DBF4: variants seen among roughly 807,000 people sequenced by gnomAD.
The protein encoded by DBF4 is DBF4-CDC7 kinase regulatory subunit, also known as protein DBF4 homolog A.
A neutral mutation model predicts 76.6 loss-of-function variants in DBF4; 25 were observed. That is an observed-to-expected ratio of 0.33 (90% CI 0.24 to 0.46). The LOEUF is 0.46. Among genes scored for constraint, DBF4 ranks in the 20% least tolerant of loss-of-function variants. The probability of loss-of-function intolerance (pLI) is 1.00; values close to 1 mark genes in which losing one functional copy is unlikely to be tolerated. For missense variants in DBF4, 638 were observed against 760.8 expected (o/e 0.84, Z 1.90); for synonymous variants, 213 against 258.0 (o/e 0.83, Z 1.67).
intron 10 of DBF4, among the ~76,000 whole-genome samples, chr7:87,903,280 G>A (rs544794263): frequency 1.3e-5 from 2 of 152,088 alleles, no homozygotes; most frequent in African/African-American, 4.8e-5. Flanking sequence ...GGATTTCACC[G>A]TGTTGGCCAG....
intron 6 of DBF4, among the ~76,000 whole-genome samples, chr7:87,889,826 G>C (rs999943168): frequency 5.3e-5 from 8 of 152,172 alleles, no homozygotes; most frequent in African/African-American, 1.9e-4. Context: ...TATAAAAGTA[G>C]AGATCTGAGA....
chr7:87,877,331 C>T (rs1305587327), intron 1 of DBF4, among the ~76,000 whole-genome samples: 1 of 152,186 alleles, frequency 6.6e-6, no homozygotes, highest in Non-Finnish European at 1.5e-5. Flanking sequence ...AGCAAATTTC[C>T]ATTTTCAGTC....
chr7:87,897,253 C>A (rs200205145), intron 7 of DBF4, 41 bp from the exon 8 acceptor site: 5 of 1,535,310 alleles, frequency 3.3e-6, no homozygotes, highest in Non-Finnish European at 4.4e-6. Context: ...AAAAAGAATC[C>A]TGAATTTGCA....
chr7:87,887,012 G>A, intron 4 of DBF4, 118 bp downstream of exon 4: 1 of 697,782 alleles, frequency 1.4e-6, no homozygotes, highest in South Asian at 2.0e-5. Context: ...CTGAATCTCA[G>A]CATATATTTT....
chr7:87,878,322 T>TA lies in DBF4; in HGVS notation c.219+98dup, dbSNP rs1405166859. The TA allele has an allele frequency of 1.3e-5, 12 of 931,368 alleles. No individual in the cohort carries two copies. The East Asian group carries it at 3.1e-4, about 24-fold the overall frequency. The allele number at this position is 931,368 out of a possible 1,614,324, so 57.7% of individuals were successfully genotyped here. A position where few individuals can be genotyped will look rare whatever the true frequency, so the allele number is the denominator to read the frequency against. On this transcript the variant is annotated intron_variant, in intron 2 of 11. Coordinates refer to ENST00000265728, the MANE Select transcript of DBF4 (RefSeq NM_006716.4). ...AATTTTTCATTTTGGAAAACGCTTC[T>TA]ATTAGCACCAAGCTTAACATTTTTA...
Position 87,907,399 on chromosome 7 carries a change from A to T in DBF4, c.1261A>T (p.Asn421Tyr). 1 of 1,614,050 alleles carries T rather than the reference A, an allele frequency of 6.2e-7. No individual in the cohort carries two copies. Among genetic ancestry groups the T allele is most frequent in the Non-Finnish European group, 8.5e-7 (1 of 1,179,946 alleles). The change falls in exon 12 of 12, where the codon AAT (asparagine) becomes TAT (tyrosine). Residue 421 changes from asparagine to tyrosine, a missense_variant. Transcript: ENST00000265728. ...FISEPIPHPS[N>Y]ELRGLNEKMS... Reference sequence around the variant, plus strand: ...TTCAGAGCCCATCCCCCACCCTTCAAATGAATTGAGAGGGCTTAATGAGAA... The same window carrying T: ...TTCAGAGCCCATCCCCCACCCTTCATATGAATTGAGAGGGCTTAATGAGAA...
intron 7 of DBF4, 114 bp from the exon 8 acceptor site, chr7:87,897,180 A>C (rs903569583): frequency 6.3e-6 from 6 of 946,876 alleles, no homozygotes; most frequent in Non-Finnish European, 7.9e-6. Flanking sequence ...TAAAACTTTA[A>C]AGTGGATACA....
In DBF4 at chr7:87,908,063, G is replaced by C. The variant is rs755686476; in HGVS notation, c.1925G>C (p.Gly642Ala). 6.2e-7 allele frequency: 1 copy of C among 1,613,560 alleles called. No homozygotes were observed. Among genetic ancestry groups the C allele is most frequent in the Non-Finnish European group, 8.5e-7 (1 of 1,179,746 alleles). The part of the protein sequence containing the change: ...LGFTSYTEKS[G>A]ICNVLDIWEE... ...TTCACAAGCTACACAGAAAAGAGTGGTATATGCAATGTTTTAGATATTTGG... is the reference window on the plus strand; with the variant it reads ...TTCACAAGCTACACAGAAAAGAGTGCTATATGCAATGTTTTAGATATTTGG... Residue 642 changes from glycine (G) to alanine (A), a missense_variant, in exon 12 of 12, where the codon GGT becomes GCT. Physicochemically the swap from Gly to Ala is moderately conservative, Grantham distance 60. Transcript: ENST00000265728.
intron 3 of DBF4, 107 bp from the exon 4 acceptor site, chr7:87,886,737 A>C: frequency 1.4e-6 from 1 of 700,786 alleles, no homozygotes; most frequent in Non-Finnish European, 2.5e-6. Flanking sequence ...AAAAAAGAGA[A>C]ACTTTTTAAT....
At chr7:87,900,919 T>C (rs1388611528) in intron 10 of DBF4, 41 bp downstream of exon 10, 2 of 1,475,156 alleles carry the variant, frequency 1.4e-6, no homozygotes, top group East Asian at 4.6e-5. Context: ...TTTCGAAAAC[T>C]GTAATACTTG....
At position 87,909,430 on chromosome 7, in the gene DBF4, C is replaced by T. The variant is rs572760484; in HGVS notation, c.*1267C>T. The T allele has an allele frequency of 2.5e-4, 38 of 152,172 alleles. No homozygotes were observed. The highest frequency in any genetic ancestry group is 8.7e-4 in the African/African-American group (36 of 41,506). The allele number at this position is 152,172 out of a possible 1,614,324, so 9.4% of individuals were successfully genotyped here. A position where few individuals can be genotyped will look rare whatever the true frequency, so the allele number is the denominator to read the frequency against. ...TACAGGACTAATTCATATGCTTTTC[C>T]TGCATACATTATTTTGATCATTTGG... On this transcript the variant is annotated 3_prime_UTR_variant, in exon 12 of 12. Coordinates refer to ENST00000265728, the MANE Select transcript of DBF4 (RefSeq NM_006716.4).
intron 2 of DBF4, among the ~76,000 whole-genome samples, chr7:87,879,606 A>C (rs772886568): frequency 6.6e-6 from 1 of 152,162 alleles, no homozygotes. Flanking sequence ...TTAGCTTCTT[A>C]ATTCCCACAG....
rs754016324 is a variant in DBF4 at position 87,907,199 on chromosome 7, G to C, written c.1061G>C (p.Ser354Thr). The change falls in exon 12 of 12, where the codon AGT (serine) becomes ACT (threonine). Residue 354 changes from serine to threonine, a missense_variant. Coordinates refer to ENST00000265728, the MANE Select transcript of DBF4 (RefSeq NM_006716.4). ...DTPKKKRIKY[S>T]VGSLSPVSAS... ...TTTTTCCTACAAAGAATAAAATACA[G>C]TGTTGGATCCCTTTCTCCTGTTTCT... is the stretch of plus-strand genomic sequence containing the variant. 6.3e-7 allele frequency: 1 copy of C among 1,590,660 alleles called. No homozygotes were observed. Among genetic ancestry groups the C allele is most frequent in the Non-Finnish European group, 8.5e-7 (1 of 1,172,874 alleles).
chr7:87,902,407 A>G (rs1453746967), intron 10 of DBF4, among the ~76,000 whole-genome samples: 1 of 152,124 alleles, frequency 6.6e-6, no homozygotes, highest in Non-Finnish European at 1.5e-5. Context: ...TACTGGGGAG[A>G]AAGCAACAGA....
chr7:87,897,073 T>G (rs1839659487), intron 7 of DBF4, among the ~76,000 whole-genome samples: 1 of 152,198 alleles, frequency 6.6e-6, no homozygotes, highest in Non-Finnish European at 1.5e-5. Context: ...TCCTGTTAAT[T>G]TGAGGGTTCC....
At chr7:87,903,328 C>T (rs1188845659) in intron 10 of DBF4, among the ~76,000 whole-genome samples, 1 of 152,220 alleles carries the variant, frequency 6.6e-6, no homozygotes, top group Non-Finnish European at 1.5e-5. Context: ...ATCCGCCCTC[C>T]TTGGCTCCCC....
intron 8 of DBF4, among the ~76,000 whole-genome samples, chr7:87,899,410 TCAA>T (rs1158422721): frequency 2.0e-5 from 3 of 152,074 alleles, no homozygotes; most frequent in Admixed American, 2.0e-4. Context: ...GAATTACAAG[TCAA>T]CAACAAAACA....
chr7:87,900,108 ATAAT>A (rs1839737454), intron 8 of DBF4, 109 bp from the exon 9 acceptor site: 1 of 908,742 alleles, frequency 1.1e-6, no homozygotes, highest in Non-Finnish European at 1.6e-6. Flanking sequence ...GAAAGCCTAA[ATAAT>A]TTGTTATTTC....
intron 3 of DBF4, among the ~76,000 whole-genome samples, chr7:87,885,928 A>C (rs746738987): frequency 6.6e-6 from 1 of 152,224 alleles, no homozygotes; most frequent in Non-Finnish European, 1.5e-5. Flanking sequence ...ATGAGAGATA[A>C]AATGTTTATT....
Sources: allele counts gnomAD v4.1 joint callset (sites outside exome capture counted in the v4.1 genomes callset), GRCh38; gene constraint gnomAD v4.1.1; transcripts MANE v1.5; gene names NCBI Gene and HGNC (gene_info 2026-07-23, HGNC 2026-07-21).